SAXO1: variants seen among roughly 807,000 people sequenced by gnomAD.
SAXO1 encodes 4930500O09Rik.
Under a neutral mutation model 17.5 loss-of-function variants are expected in SAXO1, and 21 were observed. The ratio of observed to expected loss-of-function variants is 1.20; its 90% CI spans 0.85 to 1.72. The LOEUF is 1.72. Among genes scored for constraint, SAXO1 ranks in the 40% most tolerant of loss-of-function variants. The pLI, the probability that SAXO1 is intolerant of heterozygous loss-of-function variation, is 0.00. For missense variants in SAXO1, 843 were observed against 596.0 expected (o/e 1.41, Z -4.32); for synonymous variants, 274 against 216.5 (o/e 1.27, Z -2.33).
intron 1 of SAXO1, among the ~76,000 whole-genome samples, chr9:18,971,605 C>G (rs1832945048): frequency 6.6e-6 from 1 of 152,094 alleles, no homozygotes; most frequent in African/African-American, 2.4e-5. Context: ...CCCCTACTTT[C>G]CAAAACAAGT....
chr9:18,942,197 T>C (rs866894045), intron 2 of SAXO1, among the ~76,000 whole-genome samples: 2 of 152,202 alleles, frequency 1.3e-5, no homozygotes, highest in African/African-American at 2.4e-5. Flanking sequence ...CTACCACTTC[T>C]ATTCAATCAC....
intron 3 of SAXO1, among the ~76,000 whole-genome samples, chr9:18,941,365 C>T (rs1831548645): frequency 1.3e-5 from 2 of 152,146 alleles, no homozygotes; most frequent in African/African-American, 4.8e-5. Flanking sequence ...GGCTGCGTTC[C>T]AATAAAACAT....
At chr9:19,030,381 G>C (rs1172346304) in intron 1 of SAXO1, among the ~76,000 whole-genome samples, 1 of 152,028 alleles carries the variant, frequency 6.6e-6, no homozygotes, top group Non-Finnish European at 1.5e-5. Flanking sequence ...ATTAAAGAAA[G>C]ATTACAATGG....
chr9:19,022,753 G>GATAT (rs1835301754), intron 1 of SAXO1, among the ~76,000 whole-genome samples: 1 of 152,070 alleles, frequency 6.6e-6, no homozygotes, highest in African/African-American at 2.4e-5. Context: ...AAAATATAAG[G>GATAT]ATATATTTTG....
intron 1 of SAXO1, among the ~76,000 whole-genome samples, chr9:19,020,882 G>GC (rs1207790945): frequency 6.6e-6 from 1 of 152,202 alleles, no homozygotes; most frequent in Non-Finnish European, 1.5e-5. Flanking sequence ...AAAGCCATCT[G>GC]TTGAAACTCT....
chr9:18,995,531 A>T (rs1833965625), intron 1 of SAXO1, among the ~76,000 whole-genome samples: 1 of 152,230 alleles, frequency 6.6e-6, no homozygotes, highest in South Asian at 2.1e-4. Context: ...AAGAAAGAAC[A>T]CAAGGGGATG....
At chr9:18,975,571 G>C (rs1379199899) in intron 1 of SAXO1, among the ~76,000 whole-genome samples, 1 of 152,208 alleles carries the variant, frequency 6.6e-6, no homozygotes, top group Non-Finnish European at 1.5e-5. Flanking sequence ...AACAAAGCTA[G>C]ACCCTGATAT....
intron 1 of SAXO1, among the ~76,000 whole-genome samples, chr9:19,023,232 T>C (rs1835323770): frequency 6.9e-6 from 1 of 145,830 alleles, no homozygotes; most frequent in Non-Finnish European, 1.5e-5. Flanking sequence ...CTCTCTTCTC[T>C]AGGGTGCGAG....
At chr9:19,020,464 A>T in intron 1 of SAXO1, among the ~76,000 whole-genome samples, 1 of 150,814 alleles carries the variant, frequency 6.6e-6, no homozygotes. Context: ...CCATCCTCCC[A>T]CCTCAGCATC....
intron 1 of SAXO1, among the ~76,000 whole-genome samples, chr9:19,020,022 TAAAAA>T (rs368560199): frequency 2.0e-3 from 281 of 141,378 alleles, no homozygotes; most frequent in Middle Eastern, 3.7e-3. Context: ...CAGGTATTAT[TAAAAA>T]AAAAAAAAAA....
intron 1 of SAXO1, among the ~76,000 whole-genome samples, chr9:18,992,052 A>AC (rs1176937666): frequency 6.6e-6 from 1 of 152,012 alleles, no homozygotes; most frequent in Non-Finnish European, 1.5e-5. Context: ...AATCCTCAGA[A>AC]CCCCCCAATG....
At chr9:18,978,864 T>C (rs1233074933) in intron 1 of SAXO1, among the ~76,000 whole-genome samples, 1 of 152,148 alleles carries the variant, frequency 6.6e-6, no homozygotes, top group Admixed American at 6.5e-5. Context: ...AATCCCCAAC[T>C]CTTCATGGGC....
In SAXO1 at chr9:18,941,725, G is replaced by A. The variant is rs369535708; in HGVS notation, c.333C>T (p.Pro111=). Residue 111 remains proline, a synonymous_variant, in exon 3 of 4, where the codon CCC becomes CCT. Transcript: ENST00000380534. The part of the protein sequence containing the change: ...LLTTYKKDYN[P]YPVCRVDPIK... ...TGGGGTCCACTCGACAGACAGGGTAGGGATTGTAATCTTTCTTATACGTCG... is the reference window on the plus strand; with the variant it reads ...TGGGGTCCACTCGACAGACAGGGTAAGGATTGTAATCTTTCTTATACGTCG... The A allele has an allele frequency of 1.2e-5, 19 of 1,613,758 alleles. No individual in the cohort carries two copies. Among genetic ancestry groups the A allele is most frequent in the Non-Finnish European group, 1.6e-5 (19 of 1,180,040 alleles).
upstream of SAXO1, among the ~76,000 whole-genome samples, chr9:19,035,604 C>A (rs1186379267): frequency 6.6e-6 from 1 of 152,186 alleles, no homozygotes; most frequent in Non-Finnish European, 1.5e-5. Flanking sequence ...CCGAAGAAGA[C>A]AGGAAAATGT....
intron 1 of SAXO1, among the ~76,000 whole-genome samples, chr9:18,968,961 T>C (rs867990372): frequency 6.6e-6 from 1 of 152,058 alleles, no homozygotes; most frequent in African/African-American, 2.4e-5. Context: ...CTGGCTGGCA[T>C]TGATGGATGG....
upstream of SAXO1, among the ~76,000 whole-genome samples, chr9:19,036,263 AAAAAAAG>A (rs1835934979): frequency 6.6e-6 from 1 of 151,974 alleles, no homozygotes; most frequent in Non-Finnish European, 1.5e-5. Context: ...ATAAAAAAAA[AAAAAAAG>A]AAAGAAAGAA....
intron 1 of SAXO1, among the ~76,000 whole-genome samples, chr9:19,008,137 G>A (rs1241009442): frequency 6.6e-6 from 1 of 151,874 alleles, no homozygotes; most frequent in African/African-American, 2.4e-5. Flanking sequence ...ATCACACCTG[G>A]CTAATTTTTG....
intron 1 of SAXO1, among the ~76,000 whole-genome samples, chr9:18,995,850 T>G (rs190738759): frequency 6.6e-6 from 1 of 152,200 alleles, no homozygotes; most frequent in South Asian, 2.1e-4. Flanking sequence ...GAGGCCACAT[T>G]GGGAGGATCA....
In SAXO1 at chr9:18,927,962, T is replaced by G; in HGVS notation, c.*90A>C. ...GTTTTTTGTTTTTTGTTTTTTGTCA[T>G]TTTAGGGAATTCTTTTTTGTCCAAC... On this transcript the variant is annotated 3_prime_UTR_variant, in exon 4 of 4. Transcript: ENST00000380534. The G allele has an allele frequency of 1.4e-6, 2 of 1,414,458 alleles. No individual in the cohort carries two copies. The highest frequency in any genetic ancestry group is 1.9e-6 in the Non-Finnish European group (2 of 1,059,612). The allele number at this position is 1,414,458 out of a possible 1,614,324, so 87.6% of individuals were successfully genotyped here.
Sources: allele counts gnomAD v4.1 joint callset (sites outside exome capture counted in the v4.1 genomes callset), GRCh38; gene constraint gnomAD v4.1.1; transcripts MANE v1.5; gene names NCBI Gene and HGNC (gene_info 2026-07-23, HGNC 2026-07-21).